The following VAV2 variants were observed in gnomAD, a reference collection of about 807,000 sequenced individuals.
The protein encoded by VAV2 is guanine nucleotide exchange factor VAV2.
In VAV2, 67 loss-of-function variants were observed where a neutral mutation model predicts 132.5. The ratio of observed to expected loss-of-function variants is 0.51; its 90% CI spans 0.42 to 0.62. VAV2 has a LOEUF of 0.62. VAV2 is among the 20% of genes least tolerant of loss of function. The pLI is 0.00. For missense variants in VAV2, 938 were observed against 1,153.6 expected, an observed-to-expected ratio of 0.81 and a Z score of 2.71; for synonymous variants, 492 against 443.5, an observed-to-expected ratio of 1.11 and a Z score of -1.37.
intron 3 of VAV2, among the ~76,000 whole-genome samples, chr9:133,848,986 T>C (rs1837061765): frequency 1.3e-5 from 2 of 152,188 alleles, no homozygotes. Context: ...CCACAAAACA[T>C]GATGTGTCTT....
chr9:133,783,290 C>T (rs1286642087), intron 19 of VAV2, among the ~76,000 whole-genome samples: 4 of 152,102 alleles, frequency 2.6e-5, no homozygotes, highest in Admixed American at 6.5e-5. Flanking sequence ...GGAGAGAGGG[C>T]TTGGAATGGA....
At position 133,772,037 on chromosome 9, in the gene VAV2, A is replaced by T; in HGVS notation, c.2145T>A (p.Asp715Glu). Residue 715 changes from aspartate (D) to glutamate (E), a missense_variant, in exon 26 of 30, where the codon GAT becomes GAA. Transcript: ENST00000371850. ...CCACCACCTTGATGTGCTTCACCTC[A>T]TCATTGAACCTGAGCAAACACACGG... is the stretch of plus-strand genomic sequence containing the variant. ...ERFAISIKFN[D>E]EVKHIKVVEK... 1 of 1,206,836 alleles carries T rather than the reference A, an allele frequency of 8.3e-7. No individual in the cohort carries two copies. Among genetic ancestry groups the T allele is most frequent in the Non-Finnish European group, 1.1e-6 (1 of 880,392 alleles). The allele number at this position is 1,206,836 out of a possible 1,614,324, so 74.8% of individuals were successfully genotyped here. A position where few individuals can be genotyped will look rare whatever the true frequency, so the allele number is the denominator to read the frequency against.
chr9:133,834,168 G>A lies in VAV2; in HGVS notation c.449+104C>T. On this transcript the variant is annotated intron_variant, in intron 4 of 29. Coordinates refer to ENST00000371850, the MANE Select transcript of VAV2 (RefSeq NM_001134398.2). The surrounding 1 kb of genome is among the most constrained non-coding windows in gnomAD (Gnocchi z 5.9). ...GGTGGGAAGGGCCAGGGCCAGCTCT[G>A]CCTGCACTGTGGCCGCCATGTTTCC... is the stretch of plus-strand genomic sequence containing the variant. 1 of 1,340,728 alleles carries A rather than the reference G, an allele frequency of 7.5e-7. No homozygotes were observed. Among genetic ancestry groups the A allele is most frequent in the Non-Finnish European group, 1.0e-6 (1 of 969,202 alleles). The allele number at this position is 1,340,728 out of a possible 1,614,324, so 83.1% of individuals were successfully genotyped here. A position where few individuals can be genotyped will look rare whatever the true frequency, so the allele number is the denominator to read the frequency against.
chr9:133,858,471 T>C (rs1254346219), intron 3 of VAV2, among the ~76,000 whole-genome samples: 2 of 152,124 alleles, frequency 1.3e-5, no homozygotes, highest in African/African-American at 2.4e-5. Flanking sequence ...GCCCGATGTA[T>C]CCTGGCTCCA....
At chr9:133,767,269 G>A (rs1017933905) in intron 29 of VAV2, among the ~76,000 whole-genome samples, 3 of 152,138 alleles carry the variant, frequency 2.0e-5, no homozygotes, top group African/African-American at 7.2e-5. Context: ...TAAGTAGTAT[G>A]AGAGAAAATA....
intron 25 of VAV2, among the ~76,000 whole-genome samples, chr9:133,772,413 G>C (rs1564330256): frequency 6.6e-6 from 1 of 152,188 alleles, no homozygotes. Flanking sequence ...GACATCTCCT[G>C]ACATCCTTCC....
intron 2 of VAV2, among the ~76,000 whole-genome samples, chr9:133,900,609 T>A (rs539705021): frequency 6.8e-6 from 1 of 147,996 alleles, no homozygotes; most frequent in African/African-American, 2.4e-5. Context: ...GAGAGGCCAG[T>A]AAGAATCCAG....
chr9:133,774,451 G>A (rs76514691), intron 25 of VAV2, among the ~76,000 whole-genome samples: 2,451 of 152,286 alleles, frequency 0.016, 71 homozygotes, highest in African/African-American at 0.055. Flanking sequence ...ACAAGGAGGC[G>A]GCTCCCAGGG....
intron 29 of VAV2, among the ~76,000 whole-genome samples, chr9:133,767,546 A>AC (rs1408336534): frequency 2.0e-5 from 3 of 152,210 alleles, no homozygotes; most frequent in Non-Finnish European, 4.4e-5. Flanking sequence ...CACAAGGACC[A>AC]CTTTGAGAAC....
rs192869497 is a variant in VAV2 at position 133,897,073 on chromosome 9, G to A, written c.322-35641C>T. On this transcript the variant is annotated intron_variant, in intron 2 of 29. Transcript: ENST00000371850. ...CGTGCCACTGCACTCCAGCCTGGGC[G>A]ACAGAGCGAGACTCCATCTCAAAAA... Among the ~76,000 whole-genome samples the A allele has an allele frequency of 3.9e-4, 59 of 152,200 alleles. No homozygotes were observed. The East Asian group carries it at 5.8e-3, about 15-fold the overall frequency.
intron 1 of VAV2, among the ~76,000 whole-genome samples, chr9:133,964,040 TATATATATACATATATATAC>T (rs66852923): frequency 9.6e-6 from 1 of 104,064 alleles, no homozygotes; most frequent in Admixed American, 1.1e-4. Context: ...TATATATATA[TATATATATACATATATATAC>T]ATATATATAA....
chr9:133,962,225 G>A (rs1841989348), intron 1 of VAV2, among the ~76,000 whole-genome samples: 1 of 152,092 alleles, frequency 6.6e-6, no homozygotes, highest in African/African-American at 2.4e-5. Context: ...GGATCAGGGT[G>A]GACCCCAGAT....
intron 2 of VAV2, among the ~76,000 whole-genome samples, chr9:133,917,841 T>A (rs1287189509): frequency 1.3e-5 from 2 of 151,942 alleles, no homozygotes; most frequent in African/African-American, 4.8e-5. Context: ...ACCCACACCC[T>A]CCCGAGGGAG....
In VAV2 at chr9:133,833,858, C is replaced by T. The variant is rs1172160365; in HGVS notation, c.449+414G>A. 1.3e-5 allele frequency among the ~76,000 whole-genome samples: 2 copies of T among 152,126 alleles called. No homozygotes were observed. Among genetic ancestry groups the T allele is most frequent in the Non-Finnish European group, 2.9e-5 (2 of 68,004 alleles). On this transcript the variant is annotated intron_variant, in intron 4 of 29. Transcript: ENST00000371850. This position sits in a 1 kb window ranked among gnomAD's most constrained non-coding sequence, Gnocchi z 5.6. ...CACACACTCCTGTGCCCTGAACCTG[C>T]GCTCCAGGCAGCACCGCTCCCTCCT...
At chr9:133,830,545 G>A (rs1836223827) in intron 4 of VAV2, among the ~76,000 whole-genome samples, 1 of 152,170 alleles carries the variant, frequency 6.6e-6, no homozygotes, top group Non-Finnish European at 1.5e-5. Flanking sequence ...AAGCGTGTTT[G>A]CTTCCCCTTC....
intron 2 of VAV2, among the ~76,000 whole-genome samples, chr9:133,895,203 T>C (rs1430425478): frequency 6.6e-6 from 1 of 151,900 alleles, no homozygotes. Flanking sequence ...AATCAAGGGC[T>C]GGGCTCTATG....
intron 13 of VAV2, among the ~76,000 whole-genome samples, chr9:133,790,786 C>A (rs1445337943): frequency 2.0e-5 from 3 of 152,094 alleles, no homozygotes; most frequent in African/African-American, 7.2e-5. Context: ...CCGTGCCCCA[C>A]GTTCGCGGAG....
chr9:133,778,631 C>G, intron 22 of VAV2, 131 bp downstream of exon 22: 1 of 1,380,976 alleles, frequency 7.2e-7, no homozygotes, highest in Non-Finnish European at 9.6e-7. Context: ...CCCCCTGTGC[C>G]TCCTCCTCCC....
Position 133,788,249 on chromosome 9 carries a change from C to T in VAV2, c.1407+105G>A, listed in dbSNP as rs1256318928. ...CCACCCCAACCCACCCGGCCAGCAT[C>T]AGCGGCTGACTTCGAGTCCCCTTCC... On this transcript the variant is annotated intron_variant, in intron 15 of 29. Transcript: ENST00000371850. The surrounding 1 kb of genome is among the most constrained non-coding windows in gnomAD (Gnocchi z 5.3). 10 of 538,168 alleles carry T rather than the reference C, an allele frequency of 1.9e-5. No homozygotes were observed. The East Asian group carries it at 5.3e-4, about 28-fold the overall frequency. The allele number at this position is 538,168 out of a possible 1,614,324, so 33.3% of individuals were successfully genotyped here.
Sources: gnomAD v4.1 joint callset for allele counts (sites outside exome capture counted in the v4.1 genomes callset) on GRCh38, gnomAD v4.1.1 for gene constraint, Gnocchi (gnomAD v3.1) non-coding constraint, MANE v1.5 for transcripts, NCBI Gene and HGNC (gene_info 2026-07-23, HGNC 2026-07-21) for gene names.